PTPDC1: variants seen among roughly 807,000 people sequenced by gnomAD.
PTPDC1 encodes the protein protein tyrosine phosphatase domain containing 1.
PTPDC1 carries 53 observed loss-of-function variants against 75.3 expected under a neutral mutation model. That is an observed-to-expected ratio of 0.70 (90% CI 0.56 to 0.88). PTPDC1 has a LOEUF of 0.88. Ranked by LOEUF, PTPDC1 falls within the 40% of genes least tolerant of loss-of-function variation. The probability of loss-of-function intolerance (pLI) is 0.00; values close to 1 mark genes in which losing one functional copy is unlikely to be tolerated. For missense variants in PTPDC1, 925 were observed against 998.6 expected (o/e 0.93, Z 0.99); for synonymous variants, 349 against 366.2 (o/e 0.95, Z 0.54).
Position 94,088,128 on chromosome 9 carries a change from GC to G in PTPDC1, c.498-14del. On this transcript the variant is annotated splice_polypyrimidine_tract_variant and intron_variant, in intron 3 of 8. Coordinates refer to ENST00000620992, the MANE Select transcript of PTPDC1 (RefSeq NM_001253829.2). ...ATGCTAGCTCCCAATATGACTGACT[GC>G]CCTTTTTCCTTTAAGCCATGGCATA... The G allele has an allele frequency of 1.2e-6, 2 of 1,609,442 alleles. No individual in the cohort carries two copies. Among genetic ancestry groups the G allele is most frequent in the Non-Finnish European group, 1.7e-6 (2 of 1,178,784 alleles).
chr9:94,101,536 G>A, intron 6 of PTPDC1, 30 bp from the exon 7 acceptor site: 2 of 1,560,742 alleles, frequency 1.3e-6, no homozygotes. Context: ...CTCTGTCTCT[G>A]TCTGTCTGTC....
At chr9:94,094,485 TCAGA>T (rs1827461497) in intron 4 of PTPDC1, among the ~76,000 whole-genome samples, 1 of 152,212 alleles carries the variant, frequency 6.6e-6, no homozygotes, top group African/African-American at 2.4e-5. Context: ...TTCAAAGCTG[TCAGA>T]CAGGGACATT....
intron 1 of PTPDC1, among the ~76,000 whole-genome samples, chr9:94,056,357 ATTC>A (rs56827842): frequency 0.3 from 46,232 of 151,934 alleles, 7,239 homozygotes; most frequent in Admixed American, 0.39. Context: ...TCAACCTCAA[ATTC>A]TTCTGCTACG....
intron 4 of PTPDC1, among the ~76,000 whole-genome samples, chr9:94,092,760 T>G (rs371106908): frequency 8.9e-5 from 13 of 146,070 alleles, no homozygotes; most frequent in African/African-American, 2.3e-4. Context: ...TTATGAATCT[T>G]GGTGCTCCTG....
At chr9:94,065,456 C>T (rs1826271886) in intron 2 of PTPDC1, among the ~76,000 whole-genome samples, 1 of 152,250 alleles carries the variant, frequency 6.6e-6, no homozygotes, top group Admixed American at 6.5e-5. Context: ...CTTTGCCCAC[C>T]TTCACTTTAG....
In PTPDC1 at chr9:94,097,987, T is replaced by C. The variant is rs1291323012; in HGVS notation, c.1421T>C (p.Val474Ala). 1.2e-6 allele frequency: 2 copies of C among 1,614,178 alleles called. No individual in the cohort carries two copies. The highest frequency in any genetic ancestry group is 1.3e-5 in the African/African-American group (1 of 75,058). ...TPQTVPAQIL[V>A]GHKPRQQKLI... ...CAGACAGTGCCTGCCCAGATCTTGG[T>C]TGGCCACAAGCCCAGGCAGCAGAAG... Residue 474 changes from valine (V) to alanine (A), a missense_variant, in exon 6 of 9, where the codon GTT (valine) becomes GCT (alanine). Val to Ala is a moderately conservative substitution (Grantham distance 64). Transcript: ENST00000620992.
intron 2 of PTPDC1, among the ~76,000 whole-genome samples, chr9:94,076,606 T>G (rs1043778711): frequency 6.6e-6 from 1 of 152,196 alleles, no homozygotes; most frequent in Non-Finnish European, 1.5e-5. Context: ...TGATGGGCAT[T>G]TGGACTCTTT....
At chr9:94,070,203 CTCTTATTATCCCCA>C (rs1374975087) in intron 2 of PTPDC1, among the ~76,000 whole-genome samples, 1 of 152,142 alleles carries the variant, frequency 6.6e-6, no homozygotes, top group Admixed American at 6.5e-5. Context: ...AGAAACCTGG[CTCTTATTATCCCCA>C]GTATGTTTGC....
chr9:94,063,627 G>A (rs144667692), intron 1 of PTPDC1, among the ~76,000 whole-genome samples: 1 of 152,138 alleles, frequency 6.6e-6, no homozygotes, highest in East Asian at 1.9e-4. Flanking sequence ...TTTAAATTTT[G>A]TACTTTTTTG....
chr9:94,050,655 G>T (rs1825760992), intron 1 of PTPDC1, among the ~76,000 whole-genome samples: 1 of 152,200 alleles, frequency 6.6e-6, no homozygotes, highest in Non-Finnish European at 1.5e-5. Context: ...GGCTACTCAG[G>T]GGTCAGGGAT....
intron 8 of PTPDC1, 77 bp downstream of exon 8, chr9:94,104,462 C>A: frequency 1.1e-6 from 1 of 894,260 alleles, no homozygotes; most frequent in South Asian, 1.5e-5. Context: ...CAGAGGTCAC[C>A]GTCCTCCTCT....
At chr9:94,078,378 T>G (rs1587877407) in intron 2 of PTPDC1, among the ~76,000 whole-genome samples, 1 of 152,326 alleles carries the variant, frequency 6.6e-6, no homozygotes, top group Non-Finnish European at 1.5e-5. Context: ...GTAAACTTAA[T>G]CTTTTTGAGG....
intron 8 of PTPDC1, 48 bp from the exon 9 acceptor site, chr9:94,107,780 T>C (rs1828073253): frequency 9.1e-7 from 1 of 1,093,880 alleles, no homozygotes; most frequent in Admixed American, 2.5e-5. Flanking sequence ...TAGAAACTAG[T>C]TCAAATTCTT....
At position 94,098,136 on chromosome 9, in the gene PTPDC1, A is replaced by G. The variant is rs1223601989; in HGVS notation, c.1570A>G (p.Asn524Asp). 1.9e-6 allele frequency: 3 copies of G among 1,614,108 alleles called. No individual in the cohort carries two copies. The highest frequency in any genetic ancestry group is 2.5e-6 in the Non-Finnish European group (3 of 1,180,044). Residue 524 changes from asparagine to aspartate, a missense_variant, in exon 6 of 9, where the codon AAT (asparagine) becomes GAT (aspartate). Transcript: ENST00000620992. ...KFGGLEGLKD[N>D]GSPIFHGRII... ...TGGAGGCCTGGAAGGACTCAAAGATAATGGGTCACCAATTTTCCATGGAAG... is the reference window on the plus strand; with the variant it reads ...TGGAGGCCTGGAAGGACTCAAAGATGATGGGTCACCAATTTTCCATGGAAG...
intron 1 of PTPDC1, among the ~76,000 whole-genome samples, chr9:94,057,033 A>G (rs1825962910): frequency 6.6e-6 from 1 of 152,180 alleles, no homozygotes; most frequent in African/African-American, 2.4e-5. Context: ...CATATGATAT[A>G]AGTTCAGTTG....
In PTPDC1 at chr9:94,098,550, G is replaced by A. The variant is rs1256129246; in HGVS notation, c.1984G>A (p.Glu662Lys). 8 of 1,613,844 alleles carry A rather than the reference G, an allele frequency of 5.0e-6. No homozygotes were observed. In the South Asian group the frequency reaches 7.7e-5, roughly 16 times the overall value. ...ANLNESVEKE[E>K]LKRKVEMWQK... The stretch of plus-strand genomic sequence containing the variant: ...TTTAAATGAATCTGTAGAAAAGGAG[G>A]AACTAAAAAGGAAGGTAGAAATGTG... Residue 662 changes from glutamate (E) to lysine (K), a missense_variant, in exon 6 of 9, where the codon GAA (glutamate) becomes AAA (lysine). Transcript: ENST00000620992.
chr9:94,049,913 C>G (rs1203855854), intron 1 of PTPDC1, among the ~76,000 whole-genome samples: 1 of 152,164 alleles, frequency 6.6e-6, no homozygotes, highest in East Asian at 1.9e-4. Flanking sequence ...TTGTTCATTT[C>G]TTTTTATTCT....
rs759322664 is a variant in PTPDC1 at position 94,097,430 on chromosome 9, C to G, written c.864C>G (p.Leu288=). Residue 288 remains leucine, a synonymous_variant, in exon 6 of 9, where the codon CTC becomes CTG. Coordinates refer to ENST00000620992, the MANE Select transcript of PTPDC1 (RefSeq NM_001253829.2). ...ATTCCATACAAACCAGAGGACAGCT[C>G]CTCTGTGTAAGGGAATTTACTCAGT... ...RPNSIQTRGQ[L]LCVREFTQFL... The G allele has an allele frequency of 2.5e-6, 4 of 1,614,130 alleles. No individual in the cohort carries two copies. The South Asian group carries it at 4.4e-5, about 18-fold the overall frequency.
At chr9:94,105,833 T>C (rs754505196) in intron 8 of PTPDC1, among the ~76,000 whole-genome samples, 18 of 144,960 alleles carry the variant, frequency 1.2e-4, no homozygotes, top group Admixed American at 3.4e-4. Context: ...ATTAACTGGG[T>C]ATGGTGGCAG....
Sources: gnomAD v4.1 joint callset for allele counts (sites outside exome capture counted in the v4.1 genomes callset) on GRCh38, gnomAD v4.1.1 for gene constraint, MANE v1.5 for transcripts, NCBI Gene and HGNC (gene_info 2026-07-23, HGNC 2026-07-21) for gene names.